Variants in MVB12B observed in about 807,000 individuals in gnomAD.
MVB12B encodes the protein ESCRT-I complex subunit MVB12B.
In MVB12B, 16 loss-of-function variants were observed where a neutral mutation model predicts 41.6. The observed-to-expected ratio is 0.38, with a 90% CI of 0.26 to 0.58. MVB12B has a LOEUF of 0.58. Among genes scored for constraint, MVB12B ranks in the 20% least tolerant of loss-of-function variants. MVB12B has a pLI of 0.62. For synonymous variants in MVB12B, 133 were observed against 139.7 expected, an observed-to-expected ratio of 0.95 and a Z score of 0.34; for missense variants, 274 against 380.2, an observed-to-expected ratio of 0.72 and a Z score of 2.32.
intron 6 of MVB12B, among the ~76,000 whole-genome samples, chr9:126,413,090 C>G (rs1723536769): frequency 6.6e-6 from 1 of 152,212 alleles, no homozygotes; most frequent in African/African-American, 2.4e-5. Flanking sequence ...AGATCATATT[C>G]CATACACAGA....
chr9:126,363,631 T>A (rs1382793051), intron 2 of MVB12B, among the ~76,000 whole-genome samples: 1 of 152,174 alleles, frequency 6.6e-6, no homozygotes, highest in African/African-American at 2.4e-5. Flanking sequence ...TACAGGCAAA[T>A]TCGTTGTTTT....
At chr9:126,428,769 C>T (rs1832251320) in intron 7 of MVB12B, among the ~76,000 whole-genome samples, 1 of 152,244 alleles carries the variant, frequency 6.6e-6, no homozygotes, top group East Asian at 1.9e-4. Flanking sequence ...AGTGTGTGGG[C>T]TGAGTGAGTG....
intron 9 of MVB12B, among the ~76,000 whole-genome samples, chr9:126,501,862 G>T (rs1023069662): frequency 2.6e-5 from 4 of 152,106 alleles, no homozygotes; most frequent in Non-Finnish European, 5.9e-5. Context: ...CTGGAAAGCC[G>T]CCTGCTGGTG....
intron 6 of MVB12B, among the ~76,000 whole-genome samples, chr9:126,401,479 T>C (rs778037955): frequency 1.7e-4 from 26 of 152,262 alleles, no homozygotes; most frequent in Non-Finnish European, 2.9e-4. Context: ...GCAGAAGATC[T>C]GTCACATGCA....
intron 7 of MVB12B, among the ~76,000 whole-genome samples, chr9:126,477,095 C>T (rs546346896): frequency 9.9e-5 from 15 of 152,046 alleles, no homozygotes; most frequent in Non-Finnish European, 1.6e-4. Context: ...ATCTGCTTCT[C>T]GGGAAGCCCC....
intron 6 of MVB12B, 63 bp from the exon 7 acceptor site, chr9:126,421,789 AGT>A: frequency 8.1e-7 from 1 of 1,240,736 alleles, no homozygotes; most frequent in South Asian, 1.2e-5. Flanking sequence ...TGATGGCGTC[AGT>A]GCTTCCTGAG....
intron 2 of MVB12B, among the ~76,000 whole-genome samples, chr9:126,373,585 G>A (rs547967378): frequency 7.9e-5 from 12 of 152,328 alleles, no homozygotes; most frequent in African/African-American, 2.9e-4. Flanking sequence ...ACACCGGTGT[G>A]TAAACAGATT....
At chr9:126,393,488 A>G (rs1831018350) in intron 5 of MVB12B, among the ~76,000 whole-genome samples, 1 of 152,210 alleles carries the variant, frequency 6.6e-6, no homozygotes, top group Admixed American at 6.5e-5. Flanking sequence ...TGATTGATCT[A>G]GGTAGGGTCA....
intron 6 of MVB12B, chr9:126,408,195 GC>G (rs1258006605): frequency 6.6e-6 from 1 of 152,182 alleles, no homozygotes; most frequent in African/African-American, 2.4e-5. Flanking sequence ...TAATGATTTT[GC>G]CGTCGCCATG....
chr9:126,410,173 G>GTGTA lies in MVB12B; in HGVS notation c.663-11681_663-11680insTGTA, dbSNP rs1564316180. 1.2e-4 allele frequency among the ~76,000 whole-genome samples: 16 copies of GTGTA among 136,624 alleles called. No individual in the cohort carries two copies. In the East Asian group the frequency reaches 3.2e-3, roughly 27 times the overall value. 89.6% of individuals were successfully genotyped at this position (136,624 alleles called of 152,430 possible). On this transcript the variant is annotated intron_variant, in intron 6 of 9. Coordinates refer to ENST00000361171, the MANE Select transcript of MVB12B (RefSeq NM_033446.3). ...TGTGTGTGTGTGTGTGTGTGTGTGT[G>GTGTA]CACGCATGCACGCGCATGCATGCAT...
At chr9:126,445,440 A>G (rs1351279847) in intron 7 of MVB12B, among the ~76,000 whole-genome samples, 1 of 151,978 alleles carries the variant, frequency 6.6e-6, no homozygotes, top group Non-Finnish European at 1.5e-5. Context: ...AGTAGCTGGA[A>G]CTACAGGCAC....
chr9:126,438,100 C>T (rs1371673570), intron 7 of MVB12B, among the ~76,000 whole-genome samples: 1 of 152,174 alleles, frequency 6.6e-6, no homozygotes, highest in East Asian at 1.9e-4. Flanking sequence ...ATGCCTAATT[C>T]ATACAGTTAA....
chr9:126,430,258 T>C (rs1832294978), intron 7 of MVB12B, among the ~76,000 whole-genome samples: 2 of 152,296 alleles, frequency 1.3e-5, no homozygotes, highest in South Asian at 2.1e-4. Flanking sequence ...CTGCCTGGTG[T>C]TGGGGCTGTC....
intron 7 of MVB12B, among the ~76,000 whole-genome samples, chr9:126,460,138 ACT>A (rs1833059866): frequency 1.3e-5 from 2 of 151,776 alleles, no homozygotes; most frequent in East Asian, 1.9e-4. Flanking sequence ...GGCCTGCAAC[ACT>A]CTGCCCAGCT....
chr9:126,419,130 C>G (rs1224908944), intron 6 of MVB12B, among the ~76,000 whole-genome samples: 2 of 152,186 alleles, frequency 1.3e-5, no homozygotes, highest in African/African-American at 4.8e-5. Context: ...GTGAGCCTCC[C>G]TGAATGCTTC....
intron 1 of MVB12B, among the ~76,000 whole-genome samples, chr9:126,331,838 G>A (rs1034202921): frequency 2.4e-4 from 37 of 152,190 alleles, no homozygotes; most frequent in African/African-American, 8.9e-4. Context: ...GGCCCCATGG[G>A]GGTCTGAAGG....
intron 6 of MVB12B, chr9:126,397,328 A>T: frequency 1.0e-6 from 1 of 985,486 alleles, no homozygotes; most frequent in Non-Finnish European, 1.2e-6. Flanking sequence ...GTGAGAGCAA[A>T]GTCACTTGCA....
intron 9 of MVB12B, among the ~76,000 whole-genome samples, chr9:126,491,012 A>G (rs1222820175): frequency 6.6e-6 from 1 of 152,200 alleles, no homozygotes; most frequent in Non-Finnish European, 1.5e-5. Context: ...CGCATATCTA[A>G]TTTGTGTCTT....
In MVB12B at chr9:126,340,467, A is replaced by G. The variant is rs770376231; in HGVS notation, c.82-41A>G. The G allele has an allele frequency of 9.3e-6, 15 of 1,608,362 alleles. No homozygotes were observed. The East Asian group carries it at 1.6e-4, about 17-fold the overall frequency. ...ACTTTATATTATTCACATAAATGCT[A>G]TGTTTGAATTTTGTGTTTTCTTTTT... is the stretch of plus-strand genomic sequence containing the variant. On this transcript the variant is annotated intron_variant, in intron 1 of 9. Transcript: ENST00000361171. This position sits in a 1 kb window ranked among gnomAD's most constrained non-coding sequence, Gnocchi z 4.0.
Sources: allele counts gnomAD v4.1 joint callset (sites outside exome capture counted in the v4.1 genomes callset), GRCh38; gene constraint gnomAD v4.1.1; non-coding constraint Gnocchi (gnomAD v3.1); transcripts MANE v1.5; gene names NCBI Gene and HGNC (gene_info 2026-07-23, HGNC 2026-07-21).